BLTP1: variants seen among roughly 807,000 people sequenced by gnomAD.
BLTP1 encodes fragile site-associated protein.
At chr4:122,187,618 T>G in the BLTP1 span, 2 of 1,106,802 alleles carry the variant, frequency 1.8e-6, no homozygotes, top group Non-Finnish European at 2.5e-6. Flanking sequence ...TTTTGTGGAG[T>G]TTTTTTTAGT....
chr4:122,231,764 G>A, the BLTP1 span: 405 of 973,830 alleles, frequency 4.2e-4, no homozygotes, highest in Non-Finnish European at 4.3e-4. Flanking sequence ...GAGATAAATC[G>A]ACATATTCAT....
chr4:122,247,969 T>A, the BLTP1 span: 2 of 985,258 alleles, frequency 2.0e-6, no homozygotes, highest in Non-Finnish European at 2.4e-6. Context: ...TTGAGATGAT[T>A]GCTCTGCTGA....
chr4:122,209,323 C>T, the BLTP1 span: 53 of 1,611,664 alleles, frequency 3.3e-5, no homozygotes, highest in Middle Eastern at 1.7e-4. Flanking sequence ...AATGGCGCAA[C>T]GTTACTCAGG....
the BLTP1 span, chr4:122,247,110 C>T: frequency 6.4e-7 from 1 of 1,556,746 alleles, no homozygotes; most frequent in East Asian, 2.3e-5. Flanking sequence ...TTTCTCTGAA[C>T]TGTATTATTT....
At chr4:122,256,124 G>A in the BLTP1 span, 3 of 984,338 alleles carry the variant, frequency 3.0e-6, no homozygotes, top group African/African-American at 5.2e-5. Flanking sequence ...CCAAGTTGCT[G>A]GCCAATAGGG....
At chr4:122,189,403 C>T in the BLTP1 span, 3 of 983,540 alleles carry the variant, frequency 3.1e-6, no homozygotes, top group Non-Finnish European at 3.6e-6. Flanking sequence ...AACGTTCATT[C>T]CAGAGTTAGA....
chr4:122,351,892 TG>T, the BLTP1 span, among the ~76,000 whole-genome samples: 2 of 152,176 alleles, frequency 1.3e-5, no homozygotes, highest in Non-Finnish European at 2.9e-5. Context: ...GGTTGGATTA[TG>T]GGTGAGAGGT....
At chr4:122,357,533 A>C in the BLTP1 span, among the ~76,000 whole-genome samples, 1 of 150,394 alleles carries the variant, frequency 6.6e-6, no homozygotes, top group African/African-American at 2.5e-5. Context: ...TAATTGCACC[A>C]CCACACTCCA....
chr4:122,223,600 C>T, the BLTP1 span, among the ~76,000 whole-genome samples: 2 of 152,118 alleles, frequency 1.3e-5, no homozygotes, highest in Admixed American at 6.5e-5. Flanking sequence ...GTGAGGTAGG[C>T]AGTGCTCTGG....
the BLTP1 span, chr4:122,356,673 C>G: frequency 6.2e-7 from 1 of 1,613,820 alleles, no homozygotes; most frequent in Non-Finnish European, 8.5e-7. Context: ...AGTTCACTGA[C>G]CACATTTGTG....
At chr4:122,300,704 C>T in the BLTP1 span, among the ~76,000 whole-genome samples, 2 of 151,742 alleles carry the variant, frequency 1.3e-5, no homozygotes, top group African/African-American at 2.4e-5. Context: ...ATCTGTGGTC[C>T]CTAATAGGGG....
At chr4:122,349,616 A>C in the BLTP1 span, 1 of 1,605,936 alleles carries the variant, frequency 6.2e-7, no homozygotes, top group Non-Finnish European at 8.5e-7. This position sits in a 1 kb window ranked among gnomAD's most constrained non-coding sequence, Gnocchi z 4.5. Flanking sequence ...TGTATAATAC[A>C]TTGGATTCAA....
At chr4:122,254,562 T>C in the BLTP1 span, 1 of 945,166 alleles carries the variant, frequency 1.1e-6, no homozygotes, top group Non-Finnish European at 1.3e-6. Context: ...TTTTTATATG[T>C]TCCTCTGCCT....
chr4:122,263,065 T>C, the BLTP1 span: 10 of 1,430,790 alleles, frequency 7.0e-6, no homozygotes, highest in South Asian at 1.4e-5. Flanking sequence ...TAGTTAGATA[T>C]ATACTTTGGT....
At chr4:122,335,409 A>T in the BLTP1 span, among the ~76,000 whole-genome samples, 1 of 152,160 alleles carries the variant, frequency 6.6e-6, no homozygotes, top group African/African-American at 2.4e-5. Flanking sequence ...ACCATAGCAC[A>T]TGAATGATAC....
the BLTP1 span, chr4:122,188,151 C>G: frequency 7.7e-7 from 1 of 1,291,106 alleles, no homozygotes; most frequent in African/African-American, 1.6e-5. Context: ...CAGCTAGAAA[C>G]TTTAACATCC....
At chr4:122,237,326 C>G in the BLTP1 span, 1 of 985,308 alleles carries the variant, frequency 1.0e-6, no homozygotes. Context: ...TCACAGAGCT[C>G]TTTATGAAAC....
At chr4:122,289,239 C>T in the BLTP1 span, 1 of 1,326,574 alleles carries the variant, frequency 7.5e-7, no homozygotes, top group Non-Finnish European at 1.1e-6. Flanking sequence ...TTTTTATTCT[C>T]ATTGAGCGTG....
chr4:122,291,720 C>A, the BLTP1 span: 7 of 978,956 alleles, frequency 7.2e-6, no homozygotes, highest in Non-Finnish European at 8.5e-6. Context: ...AGGTTACCAT[C>A]TTAGAATTGG....
Sources: gnomAD v4.1 joint callset for allele counts (sites outside exome capture counted in the v4.1 genomes callset) on GRCh38, gnomAD v4.1.1 for gene constraint, Gnocchi (gnomAD v3.1) non-coding constraint, MANE v1.5 for transcripts, NCBI Gene and HGNC (gene_info 2026-07-23, HGNC 2026-07-21) for gene names.